The following AGBL1 variants were observed in gnomAD, a reference collection of about 807,000 sequenced individuals.
AGBL1 encodes cytosolic carboxypeptidase 4.
Under a neutral mutation model 118.9 loss-of-function variants are expected in AGBL1, and 130 were observed. That is an observed-to-expected ratio of 1.09 (90% confidence interval 0.95 to 1.26). The LOEUF is 1.26. Among genes scored for constraint, AGBL1 ranks in the 50% most tolerant of loss-of-function variants. The probability of loss-of-function intolerance (pLI) is 0.00; values close to 1 mark genes in which losing one functional copy is unlikely to be tolerated. For synonymous variants in AGBL1, 555 were observed against 478.9 expected, an observed-to-expected ratio of 1.16 and a Z score of -2.08; for missense variants, 1,584 against 1,298.1, an observed-to-expected ratio of 1.22 and a Z score of -3.38.
chr15:86,736,007 A>G (rs114625254), intron 22 of AGBL1, among the ~76,000 whole-genome samples: 1,925 of 152,288 alleles, frequency 0.013, 44 homozygotes, highest in African/African-American at 0.042. Flanking sequence ...GTGCTTGACA[A>G]TGAGGATACC....
chr15:86,481,131 CAA>C (rs61161857), intron 18 of AGBL1, among the ~76,000 whole-genome samples: 3,940 of 133,628 alleles, frequency 0.029, 80 homozygotes, highest in Middle Eastern at 0.08. Context: ...ACAATGAGAG[CAA>C]AAAAAAAAAA....
Position 86,138,976 on chromosome 15 carries a change from A to C in AGBL1, c.52-3028A>C, listed in dbSNP as rs374930558. On this transcript the variant is annotated intron_variant, in intron 1 of 22. Transcript: ENST00000614907. ...TGAACATTCCCCCAAATAATAGATC[A>C]GTTGCTGGACAGCTCCTCGGTTCTT... Among the ~76,000 whole-genome samples the C allele has an allele frequency of 5.3e-5, 8 of 152,294 alleles. No individual in the cohort carries two copies. In the East Asian group the frequency reaches 9.7e-4, roughly 18 times the overall value.
intron 1 of AGBL1, among the ~76,000 whole-genome samples, chr15:86,113,257 C>CTTTTCTTTTCT (rs150495748): frequency 9.3e-4 from 37 of 39,790 alleles, no homozygotes; most frequent in Non-Finnish European, 1.1e-3. Flanking sequence ...CTTTTCTTTT[C>CTTTTCTTTTCT]TTTCTTTCTT....
At chr15:86,370,020 G>A (rs143225159) in intron 17 of AGBL1, among the ~76,000 whole-genome samples, 40 of 152,192 alleles carry the variant, frequency 2.6e-4, no homozygotes, top group African/African-American at 9.4e-4. Context: ...TCAATCACCG[G>A]TTTTATGAGC....
At chr15:86,856,852 G>A (rs1002468117) in intron 22 of AGBL1, among the ~76,000 whole-genome samples, 1 of 152,220 alleles carries the variant, frequency 6.6e-6, no homozygotes. Context: ...ACTGTACTAT[G>A]CTGACTTTGC....
At chr15:86,714,807 A>G (rs1208481344) in intron 22 of AGBL1, among the ~76,000 whole-genome samples, 2 of 152,112 alleles carry the variant, frequency 1.3e-5, no homozygotes, top group Non-Finnish European at 2.9e-5. Context: ...CCTGAAGGGA[A>G]ACAAGCAGGG....
intron 1 of AGBL1, among the ~76,000 whole-genome samples, chr15:86,087,909 C>T (rs1567045777): frequency 6.6e-6 from 1 of 152,218 alleles, no homozygotes; most frequent in Non-Finnish European, 1.5e-5. Flanking sequence ...CTAGCACAGT[C>T]AGCAAGGACA....
exon 25 of AGBL1, chr15:87,028,852 T>G (rs759121394): frequency 6.2e-7 from 1 of 1,602,288 alleles, no homozygotes; most frequent in South Asian, 1.1e-5. Flanking sequence ...GAGGCTCCCT[T>G]CAAATGAGCA....
At chr15:86,361,166 T>G (rs568784618) in intron 17 of AGBL1, among the ~76,000 whole-genome samples, 1 of 152,174 alleles carries the variant, frequency 6.6e-6, no homozygotes, top group South Asian at 2.1e-4. Context: ...CATTTTTGTT[T>G]TTGTCCATTT....
intron 22 of AGBL1, among the ~76,000 whole-genome samples, chr15:86,758,034 T>C (rs1003799415): frequency 6.6e-6 from 1 of 152,116 alleles, no homozygotes; most frequent in Non-Finnish European, 1.5e-5. Context: ...ATCAGGGCCT[T>C]TGAAGTTCTT....
chr15:86,356,925 G>A (rs149637645), intron 17 of AGBL1, among the ~76,000 whole-genome samples: 2 of 152,296 alleles, frequency 1.3e-5, no homozygotes, highest in African/African-American at 2.4e-5. Flanking sequence ...ACCAATTGAT[G>A]CAAATACTCT....
intron 23 of AGBL1, among the ~76,000 whole-genome samples, chr15:86,927,629 C>T (rs2080558853): frequency 1.3e-5 from 2 of 151,974 alleles, no homozygotes; most frequent in Non-Finnish European, 2.9e-5. Flanking sequence ...TTACTTTAGG[C>T]TAAGATCTAG....
chr15:86,416,159 C>T (rs970486296), intron 18 of AGBL1, among the ~76,000 whole-genome samples: 1 of 151,970 alleles, frequency 6.6e-6, no homozygotes, highest in African/African-American at 2.4e-5. Flanking sequence ...TCAGTCCAGG[C>T]CAAGATGTAA....
At chr15:86,380,260 TC>T (rs2081094478) in intron 17 of AGBL1, among the ~76,000 whole-genome samples, 2 of 128,368 alleles carry the variant, frequency 1.6e-5, no homozygotes, top group African/African-American at 6.4e-5. Context: ...TCCCTCCCTT[TC>T]TTCCTTCCTT....
chr15:86,306,519 C>T (rs556802802), intron 17 of AGBL1, among the ~76,000 whole-genome samples: 120 of 152,182 alleles, frequency 7.9e-4, no homozygotes, highest in African/African-American at 2.8e-3. Context: ...CTGAATAATA[C>T]TCCATTATGT....
chr15:86,501,015 A>G (rs556842035), intron 18 of AGBL1, among the ~76,000 whole-genome samples: 4 of 151,816 alleles, frequency 2.6e-5, no homozygotes, highest in South Asian at 2.1e-4. Context: ...ATATATATCC[A>G]GGAGTAGAAT....
intron 17 of AGBL1, among the ~76,000 whole-genome samples, chr15:86,385,529 C>G (rs116576768): frequency 0.017 from 2,648 of 152,276 alleles, 74 homozygotes; most frequent in African/African-American, 0.06. Flanking sequence ...AGGAAAATTT[C>G]TGAAAGGCTT....
chr15:86,090,608 C>A (rs771692899), intron 1 of AGBL1, among the ~76,000 whole-genome samples: 27 of 152,104 alleles, frequency 1.8e-4, no homozygotes, highest in Non-Finnish European at 3.1e-4. Context: ...CATGGTTGTA[C>A]CATAATTTAA....
At chr15:86,436,478 A>T (rs1215970168) in intron 18 of AGBL1, among the ~76,000 whole-genome samples, 1 of 152,170 alleles carries the variant, frequency 6.6e-6, no homozygotes. Context: ...CTTATCCAGG[A>T]TTAGCTTAAT....
Sources: gnomAD v4.1 joint callset for allele counts (sites outside exome capture counted in the v4.1 genomes callset) on GRCh38, gnomAD v4.1.1 for gene constraint, MANE v1.5 for transcripts, NCBI Gene and HGNC (gene_info 2026-07-23, HGNC 2026-07-21) for gene names.